DTNB: variants seen among roughly 807,000 people sequenced by gnomAD.
The protein encoded by DTNB is DTN-B.
A neutral mutation model predicts 90.7 loss-of-function variants in DTNB; 63 were observed. The observed-to-expected ratio is 0.69, with a 90% CI of 0.57 to 0.86. The LOEUF (loss-of-function observed/expected upper bound fraction) is 0.86. Ranked by LOEUF, DTNB falls within the 40% of genes least tolerant of loss-of-function variation. The pLI is 0.00. For synonymous variants in DTNB, 277 were observed against 286.7 expected (o/e 0.97, Z 0.34); for missense variants, 744 against 807.1 (o/e 0.92, Z 0.95).
At chr2:25,429,609 C>T (rs1319829893) in intron 14 of DTNB, among the ~76,000 whole-genome samples, 2 of 152,200 alleles carry the variant, frequency 1.3e-5, no homozygotes, top group Non-Finnish European at 2.9e-5. Flanking sequence ...ATTTACTTTA[C>T]TGCTGCCATT....
chr2:25,560,542 C>A (rs567336882), intron 8 of DTNB, among the ~76,000 whole-genome samples: 3 of 151,314 alleles, frequency 2.0e-5, no homozygotes, highest in Non-Finnish European at 4.4e-5. Flanking sequence ...CTTTCTAGGT[C>A]TGGAGCCTGC....
In DTNB at chr2:25,404,922, C is replaced by A. The variant is rs147778247; in HGVS notation, c.1575+14593G>T. Among the ~76,000 whole-genome samples the A allele has an allele frequency of 5.7e-3, 869 of 152,124 alleles. 11 individuals are homozygous for A. Among genetic ancestry groups the A allele is most frequent in the Middle Eastern group, 0.02 (6 of 294 alleles). ...AACCCGTGGAAAATCCAACTCGCCA[C>A]CATTATTATTTTTTTTGTTTCTTAT... On this transcript the variant is annotated intron_variant, in intron 16 of 20. Transcript: ENST00000406818.
At chr2:25,398,733 C>T (rs1361028484) in intron 16 of DTNB, among the ~76,000 whole-genome samples, 1 of 152,152 alleles carries the variant, frequency 6.6e-6, no homozygotes, top group Admixed American at 6.5e-5. Flanking sequence ...ACTACTCTCC[C>T]CCATGCTGTC....
intron 8 of DTNB, among the ~76,000 whole-genome samples, chr2:25,576,028 G>A (rs1205627690): frequency 1.3e-5 from 2 of 152,070 alleles, no homozygotes; most frequent in South Asian, 2.1e-4. Context: ...CACCAATGTG[G>A]CAATGGTTGT....
chr2:25,512,868 T>C (rs1344607100), intron 9 of DTNB, among the ~76,000 whole-genome samples: 1 of 152,220 alleles, frequency 6.6e-6, no homozygotes, highest in Non-Finnish European at 1.5e-5. Flanking sequence ...TTGTCCTCCA[T>C]AAATTAGTAG....
At chr2:25,420,467 A>AATCTATCT (rs70947889) in intron 15 of DTNB, among the ~76,000 whole-genome samples, 4,055 of 145,554 alleles carry the variant, frequency 0.028, 85 homozygotes, top group East Asian at 0.078. Context: ...CATCTAAATC[A>AATCTATCT]ATCTATCTAT....
chr2:25,481,996 C>T (rs949810978), intron 10 of DTNB, among the ~76,000 whole-genome samples: 6 of 152,152 alleles, frequency 3.9e-5, no homozygotes, highest in East Asian at 3.8e-4. Flanking sequence ...CCAAAGCAAT[C>T]GGTACATATG....
chr2:25,380,887 G>T (rs2037500986), intron 19 of DTNB, among the ~76,000 whole-genome samples: 1 of 152,220 alleles, frequency 6.6e-6, no homozygotes, highest in Non-Finnish European at 1.5e-5. Flanking sequence ...GGGAGTGCAG[G>T]TGCAGAGACA....
chr2:25,575,781 G>A (rs1230503312), intron 8 of DTNB, among the ~76,000 whole-genome samples: 5 of 152,124 alleles, frequency 3.3e-5, no homozygotes, highest in African/African-American at 1.2e-4. Flanking sequence ...TTTTTCTACT[G>A]TTTAGCAAAC....
At chr2:25,382,945 A>G (rs2038300747) in intron 19 of DTNB, among the ~76,000 whole-genome samples, 5 of 152,170 alleles carry the variant, frequency 3.3e-5, no homozygotes. Context: ...TGAGATCATC[A>G]TACGTGAAAA....
rs554145297 is a variant in DTNB, at chr2:25,407,901, C to G, written c.1575+11614G>C. Among the ~76,000 whole-genome samples the G allele has an allele frequency of 2.6e-5, 4 of 152,262 alleles. No individual in the cohort carries two copies. In the East Asian group the frequency reaches 5.8e-4, roughly 22 times the overall value. ...CACTCATCCATGTAACCAAAAACCA[C>G]TTGTACCCCAAAAGCTGTTGTAATA... On this transcript the variant is annotated intron_variant, in intron 16 of 20. Transcript: ENST00000406818.
At chr2:25,426,025 G>A (rs78024702) in intron 15 of DTNB, among the ~76,000 whole-genome samples, 37,469 of 152,064 alleles carry the variant, frequency 0.25, 5,020 homozygotes, top group Non-Finnish European at 0.31. Flanking sequence ...CTATGATCAC[G>A]CCACAAGATA....
chr2:25,420,897 G>A (rs760369629), intron 15 of DTNB, among the ~76,000 whole-genome samples: 7 of 152,146 alleles, frequency 4.6e-5, no homozygotes, highest in Non-Finnish European at 1.0e-4. Context: ...AGGATAAAGA[G>A]AACACTTTCA....
chr2:25,604,397 CTT>C (rs1491120941), intron 5 of DTNB, among the ~76,000 whole-genome samples: 7 of 99,970 alleles, frequency 7.0e-5, no homozygotes, highest in Non-Finnish European at 1.0e-4. Context: ...TCTCTCCCTT[CTT>C]TCTCTCTCTC....
At chr2:25,433,203 GAA>G (rs1300735490) in intron 13 of DTNB, among the ~76,000 whole-genome samples, 1 of 152,146 alleles carries the variant, frequency 6.6e-6, no homozygotes, top group Non-Finnish European at 1.5e-5. Context: ...CTTTGTGGTG[GAA>G]AAAGTCATAA....
intron 16 of DTNB, among the ~76,000 whole-genome samples, chr2:25,410,557 C>T (rs138566223): frequency 7.2e-5 from 11 of 152,224 alleles, no homozygotes; most frequent in African/African-American, 2.6e-4. Context: ...GATGCTTTCC[C>T]AGAAGGATCT....
chr2:25,407,850 C>T (rs2045605943), intron 16 of DTNB, among the ~76,000 whole-genome samples: 1 of 151,994 alleles, frequency 6.6e-6, no homozygotes, highest in South Asian at 2.1e-4. Context: ...ACGGGTGCAC[C>T]AAAATGTCAG....
intron 15 of DTNB, among the ~76,000 whole-genome samples, chr2:25,425,582 C>T (rs1468840501): frequency 1.3e-5 from 2 of 152,164 alleles, no homozygotes; most frequent in South Asian, 2.1e-4. Context: ...ACTTGCCCTG[C>T]GCATTTTCCT....
chr2:25,443,206 T>C (rs1379373566), intron 12 of DTNB, among the ~76,000 whole-genome samples: 1 of 152,236 alleles, frequency 6.6e-6, no homozygotes, highest in Non-Finnish European at 1.5e-5. Flanking sequence ...GTTAAAGCTC[T>C]GTATTTAAGA....
Sources: allele counts gnomAD v4.1 joint callset (sites outside exome capture counted in the v4.1 genomes callset), GRCh38; gene constraint gnomAD v4.1.1; transcripts MANE v1.5; gene names NCBI Gene and HGNC (gene_info 2026-07-23, HGNC 2026-07-21).